NLGN4X: variants seen among roughly 807,000 people sequenced by gnomAD.
The protein encoded by NLGN4X is neuroligin-4, X-linked.
A neutral mutation model predicts 40.3 loss-of-function variants in NLGN4X; 3 were observed. The ratio of observed to expected loss-of-function variants is 0.07; its 90% CI spans 0.03 to 0.19. NLGN4X has a LOEUF of 0.19. Among genes scored for constraint, NLGN4X ranks in the 10% least tolerant of loss-of-function variants. The pLI is 1.00. For missense variants in NLGN4X, 382 were observed against 708.3 expected (o/e 0.54, Z 5.23); for synonymous variants, 270 against 306.8 (o/e 0.88, Z 1.25).
intron 3 of NLGN4X, among the ~76,000 whole-genome samples, chrX:5,986,908 T>C (rs773069166): frequency 2.0e-3 from 229 of 112,359 alleles, no homozygotes; most frequent in Admixed American, 4.1e-3. Context: ...ATTTCTGTAC[T>C]GGAAAACAGT....
At chrX:5,929,411 G>A (rs888713838) in intron 3 of NLGN4X, among the ~76,000 whole-genome samples, 6 of 111,690 alleles carry the variant, frequency 5.4e-5, no homozygotes, top group African/African-American at 1.9e-4. Context: ...AGGTTGCAGT[G>A]AGCGCCACTG....
At chrX:6,032,766 GA>G in intron 2 of NLGN4X, 1 of 1,098,963 alleles carries the variant, frequency 9.1e-7, no homozygotes, top group Non-Finnish European at 1.2e-6. Flanking sequence ...GTCATATTGA[GA>G]AGGAAAATAA....
chrX:5,996,599 A>AC (rs1456548421), intron 3 of NLGN4X, among the ~76,000 whole-genome samples: 1 of 68,307 alleles, frequency 1.5e-5, no homozygotes, highest in Non-Finnish European at 2.7e-5. Context: ...CACCCTTTTC[A>AC]CCTTTTTTTT....
chrX:6,031,611 C>T lies in NLGN4X; in HGVS notation c.473-2179G>A, dbSNP rs760253709. Among the ~76,000 whole-genome samples, 8 of 111,225 alleles carry T rather than the reference C, an allele frequency of 7.2e-5. No homozygotes were observed. In the South Asian group the frequency reaches 3.1e-3, roughly 43 times the overall value. ...TGACCAGCAAGGATAATTCAGGACT[C>T]ACTTTTGGGCTTTAAATTGCCTTTC... On this transcript the variant is annotated intron_variant, in intron 2 of 5. Coordinates refer to ENST00000381095, the MANE Select transcript of NLGN4X (RefSeq NM_181332.3).
intron 2 of NLGN4X, among the ~76,000 whole-genome samples, chrX:6,036,112 C>T (rs2036995995): frequency 9.0e-6 from 1 of 111,218 alleles, no homozygotes; most frequent in African/African-American, 3.3e-5. Flanking sequence ...AAATTTATAC[C>T]CATGTGAGTT....
chrX:6,083,464 G>C (rs1002139969), intron 2 of NLGN4X, among the ~76,000 whole-genome samples: 1 of 112,063 alleles, frequency 8.9e-6, no homozygotes, highest in Non-Finnish European at 1.9e-5. Context: ...AATGAACTAA[G>C]AAAGATTGGA....
At chrX:6,131,565 A>G (rs1157076658) in intron 2 of NLGN4X, among the ~76,000 whole-genome samples, 2 of 112,489 alleles carry the variant, frequency 1.8e-5, no homozygotes, top group African/African-American at 6.5e-5. Flanking sequence ...CTGAGTCATT[A>G]ATCTCAAAAG....
rs376296519 is a variant in NLGN4X at position 5,969,842 on chromosome X, C to G, written c.625+59438G>C. Among the ~76,000 whole-genome samples the G allele has an allele frequency of 3.7e-4, 41 of 110,328 alleles. No homozygotes were observed. The East Asian group carries it at 5.5e-3, about 15-fold the overall frequency. ...ATATACACCATGGAATACTATGCAG[C>G]CATAAAAATGATGAGTTCGTGTCCT... On this transcript the variant is annotated intron_variant, in intron 3 of 5. Transcript: ENST00000381095.
At chrX:6,137,570 T>C (rs1457822368) in intron 2 of NLGN4X, among the ~76,000 whole-genome samples, 1 of 111,633 alleles carries the variant, frequency 9.0e-6, no homozygotes, top group Non-Finnish European at 1.9e-5. Context: ...AAAATAACAA[T>C]ATCAAATCTC....
chrX:6,025,875 G>T (rs1335192208), intron 3 of NLGN4X, among the ~76,000 whole-genome samples: 1 of 102,534 alleles, frequency 9.8e-6, no homozygotes, highest in African/African-American at 3.6e-5. Context: ...CTGCCCTCCA[G>T]CCTGGGCAAT....
intron 3 of NLGN4X, among the ~76,000 whole-genome samples, chrX:5,962,343 A>C (rs972460290): frequency 9.0e-6 from 1 of 111,653 alleles, no homozygotes; most frequent in African/African-American, 3.3e-5. Flanking sequence ...CATTTTAGTC[A>C]CTTTAAGACT....
At chrX:6,147,940 C>T (rs1467741695) in intron 2 of NLGN4X, among the ~76,000 whole-genome samples, 1 of 111,608 alleles carries the variant, frequency 9.0e-6, no homozygotes, top group African/African-American at 3.3e-5. Flanking sequence ...AAGACCCAAG[C>T]CTAAGTTTAG....
chrX:5,917,012 T>C (rs1308782098), intron 3 of NLGN4X, among the ~76,000 whole-genome samples: 1 of 112,543 alleles, frequency 8.9e-6, no homozygotes, highest in Admixed American at 9.4e-5. Flanking sequence ...GCCCTACTTA[T>C]GTTCTGGAGC....
At chrX:6,150,035 T>C (rs1269451329) in intron 2 of NLGN4X, among the ~76,000 whole-genome samples, 1 of 111,139 alleles carries the variant, frequency 9.0e-6, no homozygotes, top group African/African-American at 3.3e-5. Context: ...AAGAACTTTA[T>C]ACAAAGGACA....
chrX:6,043,439 T>C (rs933993319), intron 2 of NLGN4X, among the ~76,000 whole-genome samples: 3 of 111,599 alleles, frequency 2.7e-5, no homozygotes, highest in African/African-American at 9.8e-5. Flanking sequence ...TATTTTTTCC[T>C]TGTTATGAGA....
intron 4 of NLGN4X, among the ~76,000 whole-genome samples, chrX:5,906,463 G>A (rs1455457145): frequency 9.0e-6 from 1 of 111,544 alleles, no homozygotes; most frequent in African/African-American, 3.3e-5. Flanking sequence ...AGACGGTGCC[G>A]AAGTGAAGAA....
intron 1 of NLGN4X, among the ~76,000 whole-genome samples, chrX:6,179,099 A>AAGG (rs1921123557): frequency 3.8e-5 from 3 of 78,203 alleles, no homozygotes; most frequent in African/African-American, 1.9e-4. Flanking sequence ...ACCCTGAAAA[A>AAGG]AAGGAAGGAA....
At chrX:5,961,450 G>A (rs1299559283) in intron 3 of NLGN4X, among the ~76,000 whole-genome samples, 2 of 111,747 alleles carry the variant, frequency 1.8e-5, no homozygotes, top group East Asian at 5.6e-4. Context: ...TGCCTTCATC[G>A]ACATGCTAAG....
chrX:5,960,696 A>C (rs1366456417), intron 3 of NLGN4X, among the ~76,000 whole-genome samples: 1 of 111,941 alleles, frequency 8.9e-6, no homozygotes, highest in African/African-American at 3.2e-5. Flanking sequence ...AACCCGAAAG[A>C]AAACTCTAAG....
Sources: gnomAD v4.1 joint callset for allele counts (sites outside exome capture counted in the v4.1 genomes callset) on GRCh38, gnomAD v4.1.1 for gene constraint, MANE v1.5 for transcripts, NCBI Gene and HGNC (gene_info 2026-07-23, HGNC 2026-07-21) for gene names.